The following LPIN1 variants were observed in gnomAD, a reference collection of about 807,000 sequenced individuals.
LPIN1 encodes the protein phosphatidate phosphatase LPIN1.
In LPIN1, 71 loss-of-function variants were observed where a neutral mutation model predicts 107.5. The observed-to-expected ratio is 0.66, with a 90% CI of 0.55 to 0.80. LPIN1 has a LOEUF of 0.80. LPIN1 is among the 30% of genes least tolerant of loss of function. The pLI is 0.00. For missense variants in LPIN1, 1,043 were observed against 1,160.6 expected, an observed-to-expected ratio of 0.90 and a Z score of 1.47; for synonymous variants, 445 against 452.6, an observed-to-expected ratio of 0.98 and a Z score of 0.21.
At chr2:11,742,361 C>T (rs1283097060), upstream of LPIN1, among the ~76,000 whole-genome samples, 1 of 152,110 alleles carries the variant, frequency 6.6e-6, no homozygotes, top group Non-Finnish European at 1.5e-5. Context: ...GAAGGGGGGA[C>T]TCTTAAGGGT....
At chr2:11,701,522 T>C (rs1269024116) in intron 1 of LPIN1, among the ~76,000 whole-genome samples, 1 of 152,182 alleles carries the variant, frequency 6.6e-6, no homozygotes, top group African/African-American at 2.4e-5. Context: ...TCAATACAAA[T>C]GAGTTAATGC....
upstream of LPIN1, chr2:11,746,618 C>T (rs1285720702): frequency 6.1e-6 from 6 of 985,354 alleles, no homozygotes; most frequent in African/African-American, 1.7e-5. Flanking sequence ...CGCTGACAGC[C>T]GGCGGCGGGC....
intron 3 of LPIN1, among the ~76,000 whole-genome samples, chr2:11,769,862 C>T (rs1671566743): frequency 6.6e-6 from 1 of 152,158 alleles, no homozygotes; most frequent in Admixed American, 6.5e-5. Context: ...AGGAACGGTT[C>T]TTTATAGCTC....
chr2:11,688,343 A>G lies in LPIN1; in HGVS notation c.81+10615A>G, dbSNP rs573609632. Among the ~76,000 whole-genome samples, 4 of 152,278 alleles carry G rather than the reference A, an allele frequency of 2.6e-5. No individual in the cohort carries two copies. In the South Asian group the frequency reaches 6.2e-4, roughly 24 times the overall value. On this transcript the variant is annotated intron_variant, in intron 1 of 21. Coordinates refer to the LPIN1 transcript ENST00000449576. ...CCTTGCAACATCCTTTGAAACTCCTAGAGGAAGTAACCTCCCAGAGCTACC... is the reference window on the plus strand; with the variant it reads ...CCTTGCAACATCCTTTGAAACTCCTGGAGGAAGTAACCTCCCAGAGCTACC...
At chr2:11,794,298 C>T (rs922659898) in intron 13 of LPIN1, among the ~76,000 whole-genome samples, 1 of 152,152 alleles carries the variant, frequency 6.6e-6, no homozygotes, top group Non-Finnish European at 1.5e-5. Context: ...TATCCAAATT[C>T]TCACCAGTTT....
rs1487784386 is a variant in LPIN1, at chr2:11,697,403, G to A, written c.82-16353G>A. On this transcript the variant is annotated intron_variant, in intron 1 of 21. Coordinates refer to the LPIN1 transcript ENST00000449576. This position sits in a 1 kb window ranked among gnomAD's most constrained non-coding sequence, Gnocchi z 4.6. The stretch of plus-strand genomic sequence containing the variant: ...GTGGCCAGTGCAGGAGGAACAGGAA[G>A]CAGCCCCCGTGGGCCACTGTGGGGC... 6.6e-6 allele frequency among the ~76,000 whole-genome samples: 1 copy of A among 152,238 alleles called. No homozygotes were observed. Among genetic ancestry groups the A allele is most frequent in the East Asian group, 1.9e-4 (1 of 5,182 alleles).
chr2:11,715,103 C>G (rs1260410800), intron 2 of LPIN1, among the ~76,000 whole-genome samples: 1 of 152,174 alleles, frequency 6.6e-6, no homozygotes, highest in African/African-American at 2.4e-5. Context: ...AGAAGCTCCG[C>G]TCTGTGAGAA....
chr2:11,789,492 A>T (rs761078210), intron 12 of LPIN1, among the ~76,000 whole-genome samples: 3 of 149,022 alleles, frequency 2.0e-5, no homozygotes, highest in East Asian at 4.0e-4. Context: ...GTGGATGTGC[A>T]CGTGTGTGCG....
At chr2:11,818,717 A>G (rs1379252466) in intron 18 of LPIN1, 2 of 152,008 alleles carry the variant, frequency 1.3e-5, no homozygotes, top group African/African-American at 4.8e-5. Context: ...GTGAATTGCC[A>G]TGATGATACA....
intron 1 of LPIN1, among the ~76,000 whole-genome samples, chr2:11,687,060 T>A (rs1662047385): frequency 6.9e-6 from 1 of 144,276 alleles, no homozygotes; most frequent in Non-Finnish European, 1.5e-5. Context: ...GAGTGCAGCG[T>A]GATCACAGCT....
intron 1 of LPIN1, chr2:11,682,249 G>A (rs1334591640): frequency 6.6e-6 from 1 of 152,370 alleles, no homozygotes; most frequent in East Asian, 1.9e-4. Flanking sequence ...ACTACACATA[G>A]GAAACCACCT....
chr2:11,700,270 G>T (rs190586821), intron 1 of LPIN1, among the ~76,000 whole-genome samples: 56 of 152,284 alleles, frequency 3.7e-4, no homozygotes, highest in African/African-American at 1.3e-3. Flanking sequence ...CAGAAACATA[G>T]CTTTGCATCC....
rs1282610788 is a variant in LPIN1 at position 11,765,284 on chromosome 2, G to A, written c.-9-249G>A. Among the ~76,000 whole-genome samples, 2 of 151,858 alleles carry A rather than the reference G, an allele frequency of 1.3e-5. No individual in the cohort carries two copies. The highest frequency in any genetic ancestry group is 4.8e-5 in the African/African-American group (2 of 41,266). On this transcript the variant is annotated intron_variant, in intron 1 of 20. Coordinates refer to ENST00000674199, the MANE Select transcript of LPIN1 (RefSeq NM_001349206.2). This position sits in a 1 kb window ranked among gnomAD's most constrained non-coding sequence, Gnocchi z 4.4. Reference sequence around the variant, plus strand: ...ACCCTGATGGGCCGTGATGGACCCTGATGGGCTGTGATGGGCCGTGATGGA... The same window carrying A: ...ACCCTGATGGGCCGTGATGGACCCTAATGGGCTGTGATGGGCCGTGATGGA...
At chr2:11,821,053 C>T (rs546588649) in intron 20 of LPIN1, among the ~76,000 whole-genome samples, 1 of 152,328 alleles carries the variant, frequency 6.6e-6, no homozygotes, top group African/African-American at 2.4e-5. Flanking sequence ...TTGACTTTAT[C>T]CTGTCCCCCT....
Position 11,782,468 on chromosome 2 carries a change from C to G in LPIN1, c.1225C>G (p.Gln409Glu), listed in dbSNP as rs146529487. 6.9e-4 allele frequency: 1,118 copies of G among 1,614,056 alleles called. 11 individuals carry two copies. The highest frequency in any genetic ancestry group is 6.2e-4 in the Admixed American group (37 of 60,000). ...CAAACCCCCCTCTGCCAGTGTAGTC[C>G]AGACAGCAAACAAGACGGATTCTCC... ...ELKPPSASVV[Q>E]TANKTDSPSR... is the part of the protein sequence containing the mutation. The change falls in exon 8 of 21, where the codon CAG (glutamine) becomes GAG (glutamate). Residue 409 changes from glutamine (Q) to glutamate (E), a missense_variant. Physicochemically the swap from Gln to Glu is conservative, Grantham distance 29. Coordinates refer to ENST00000674199, the MANE Select transcript of LPIN1 (RefSeq NM_001349206.2).
At chr2:11,718,303 C>T (rs1292749329) in intron 2 of LPIN1, among the ~76,000 whole-genome samples, 1 of 152,174 alleles carries the variant, frequency 6.6e-6, no homozygotes, top group African/African-American at 2.4e-5. Flanking sequence ...TCTCAGCTCA[C>T]TGCAGACTTC....
intron 1 of LPIN1, among the ~76,000 whole-genome samples, chr2:11,700,568 C>A (rs963409810): frequency 2.6e-5 from 4 of 152,160 alleles, no homozygotes; most frequent in Admixed American, 1.3e-4. Flanking sequence ...CCAGCGCAGG[C>A]CTCCCTGCCT....
intron 17 of LPIN1, chr2:11,805,501 T>A (rs893466507): frequency 3.6e-5 from 14 of 391,120 alleles, no homozygotes; most frequent in Non-Finnish European, 4.3e-5. Context: ...TTATATGTTA[T>A]ATATGCCAAG....
At chr2:11,727,381 G>A (rs1664771291) in intron 1 of LPIN1, among the ~76,000 whole-genome samples, 1 of 151,980 alleles carries the variant, frequency 6.6e-6, no homozygotes, top group Admixed American at 6.6e-5. Flanking sequence ...ATCTTTGCTC[G>A]CTTGTTTCTT....
Sources: allele counts gnomAD v4.1 joint callset (sites outside exome capture counted in the v4.1 genomes callset), GRCh38; gene constraint gnomAD v4.1.1; non-coding constraint Gnocchi (gnomAD v3.1); transcripts MANE v1.5; gene names NCBI Gene and HGNC (gene_info 2026-07-23, HGNC 2026-07-21).